Variants in MRTFB observed in about 807,000 individuals in gnomAD.
MRTFB encodes the protein myocardin-related transcription factor B.
A neutral mutation model predicts 104.2 loss-of-function variants in MRTFB; 29 were observed. The observed-to-expected ratio is 0.28, with a 90% confidence interval of 0.21 to 0.38. The LOEUF (loss-of-function observed/expected upper bound fraction) is 0.38. Ranked by LOEUF, MRTFB falls within the 10% of genes least tolerant of loss-of-function variation. The pLI is 1.00. For synonymous variants in MRTFB, 535 were observed against 519.5 expected (o/e 1.03, Z -0.41); for missense variants, 1,270 against 1,341.6 (o/e 0.95, Z 0.83).
chr16:14,000,049 A>G, the MRTFB span, among the ~76,000 whole-genome samples: 1 of 152,080 alleles, frequency 6.6e-6, no homozygotes, highest in African/African-American at 2.4e-5. Flanking sequence ...GAAGCAGAGG[A>G]GGAGAGGGTG....
chr16:14,070,200 G>A (rs2033605537), upstream of MRTFB, among the ~76,000 whole-genome samples: 1 of 152,220 alleles, frequency 6.6e-6, no homozygotes, highest in African/African-American at 2.4e-5. Context: ...CTTGCTTGCA[G>A]AACAGGACCT....
the MRTFB span, among the ~76,000 whole-genome samples, chr16:14,029,405 T>TAAAAAAA: frequency 3.4e-5 from 3 of 87,126 alleles, no homozygotes; most frequent in Admixed American, 1.4e-4. Flanking sequence ...GACTCTGTCT[T>TAAAAAAA]AAAAAAAAAA....
chr16:14,251,826 A>C, intron 13 of MRTFB, 36 bp from the exon 14 acceptor site: 1 of 1,602,906 alleles, frequency 6.2e-7, no homozygotes, highest in Non-Finnish European at 8.5e-7. Flanking sequence ...GAAAAGCCAA[A>C]GAACAAATTA....
chr16:14,060,270 G>T, the MRTFB span, among the ~76,000 whole-genome samples: 2 of 152,010 alleles, frequency 1.3e-5, no homozygotes, highest in South Asian at 4.2e-4. Context: ...GCCTCCCAAA[G>T]TGCTGAAATC....
intron 6 of MRTFB, among the ~76,000 whole-genome samples, chr16:14,214,085 C>T (rs2041313469): frequency 6.6e-6 from 1 of 152,188 alleles, no homozygotes; most frequent in South Asian, 2.1e-4. Flanking sequence ...ACCATTAGCA[C>T]CTCCCATCCA....
chr16:14,138,129 A>C (rs774020353), intron 2 of MRTFB, among the ~76,000 whole-genome samples: 11 of 152,156 alleles, frequency 7.2e-5, no homozygotes, highest in Non-Finnish European at 1.5e-5. Context: ...AAGTAAAGAC[A>C]CTGAAGATAT....
chr16:14,247,531 C>A, intron 12 of MRTFB, 24 bp downstream of exon 12: 1 of 1,525,264 alleles, frequency 6.6e-7, no homozygotes. Flanking sequence ...CTTCTAACTA[C>A]TTTGCCTTAC....
Position 14,213,458 on chromosome 16 carries a change from G to A in MRTFB, c.277-87G>A, listed in dbSNP as rs765106752. On this transcript the variant is annotated intron_variant, in intron 5 of 16. Transcript: ENST00000571589. ...TCAAACACATGACCATAAGCGTATCGTTTATTTAAATGGAATACCTTAAAG... is the reference window on the plus strand; with the variant it reads ...TCAAACACATGACCATAAGCGTATCATTTATTTAAATGGAATACCTTAAAG... The A allele has an allele frequency of 2.8e-4, 258 of 918,730 alleles. 1 individual carries two copies. Among genetic ancestry groups the A allele is most frequent in the Middle Eastern group, 6.2e-4 (2 of 3,252 alleles). The allele number at this position is 918,730 out of a possible 1,614,324, so 56.9% of individuals were successfully genotyped here.
chr16:14,174,790 A>G (rs1385208141), intron 3 of MRTFB, among the ~76,000 whole-genome samples: 1 of 152,176 alleles, frequency 6.6e-6, no homozygotes, highest in African/African-American at 2.4e-5. Context: ...CCTGATCTGT[A>G]ATACACATCA....
intron 3 of MRTFB, among the ~76,000 whole-genome samples, chr16:14,154,001 A>G (rs1359254050): frequency 1.3e-5 from 2 of 152,152 alleles, no homozygotes; most frequent in East Asian, 1.9e-4. Flanking sequence ...TCTTTTTCTC[A>G]TGCTTTTACC....
At chr16:14,071,405 G>T (rs2033679827) in intron 1 of MRTFB, 40 bp downstream of exon 1, 1 of 155,620 alleles carries the variant, frequency 6.4e-6, no homozygotes, top group Non-Finnish European at 1.4e-5. Context: ...GGCTGAGGCC[G>T]GGTGAGAGCG....
At chr16:14,023,499 T>C in the MRTFB span, among the ~76,000 whole-genome samples, 2 of 151,818 alleles carry the variant, frequency 1.3e-5, no homozygotes, top group Non-Finnish European at 2.9e-5. Flanking sequence ...TATGTGACCC[T>C]GGGCAAGTTT....
the MRTFB span, among the ~76,000 whole-genome samples, chr16:14,044,922 C>A: frequency 6.6e-6 from 1 of 152,130 alleles, no homozygotes; most frequent in Non-Finnish European, 1.5e-5. Context: ...AACTGGTAGG[C>A]TCCTGGACAG....
upstream of MRTFB, among the ~76,000 whole-genome samples, chr16:14,067,881 G>C (rs1015206104): frequency 3.9e-5 from 6 of 151,926 alleles, no homozygotes; most frequent in Admixed American, 3.9e-4. Flanking sequence ...ACCCAGGCTG[G>C]AGTGCAGTGG....
intron 2 of MRTFB, among the ~76,000 whole-genome samples, chr16:14,112,609 T>A (rs942002658): frequency 3.3e-5 from 5 of 152,380 alleles, no homozygotes; most frequent in African/African-American, 1.2e-4. Flanking sequence ...GTTCTTCACA[T>A]AGAAGTCTGA....
rs150465885 is a variant in MRTFB, at chr16:14,098,011, G to A, written c.-64+18657G>A. Among the ~76,000 whole-genome samples the A allele has an allele frequency of 2.0e-3, 298 of 152,226 alleles. 1 individual carries two copies. The highest frequency in any genetic ancestry group is 6.9e-3 in the African/African-American group (287 of 41,536). On this transcript the variant is annotated intron_variant, in intron 2 of 16. Transcript: ENST00000571589. Reference sequence around the variant, plus strand: ...TGTTGTTGATGTGTTTACTGTTGATGGCCATTTGGGTATTTCCAGTTTTGG... The same window carrying A: ...TGTTGTTGATGTGTTTACTGTTGATAGCCATTTGGGTATTTCCAGTTTTGG...
chr16:14,017,711 ATTTTT>A, the MRTFB span, among the ~76,000 whole-genome samples: 86 of 33,580 alleles, frequency 2.6e-3, 4 homozygotes, highest in African/African-American at 0.011. Context: ...ATATATATAT[ATTTTT>A]TTTTTTTTTT....
At chr16:14,246,380 G>C in intron 11 of MRTFB, 93 bp from the exon 12 acceptor site, 1 of 1,278,122 alleles carries the variant, frequency 7.8e-7, no homozygotes. Flanking sequence ...AGAGTTGTCT[G>C]ACAGACATAG....
the MRTFB span, chr16:14,018,908 G>C: frequency 6.6e-6 from 1 of 152,114 alleles, no homozygotes; most frequent in South Asian, 2.1e-4. Flanking sequence ...TTATTACCTG[G>C]CCCCTGTGGG....
Sources: allele counts gnomAD v4.1 joint callset (sites outside exome capture counted in the v4.1 genomes callset), GRCh38; gene constraint gnomAD v4.1.1; transcripts MANE v1.5; gene names NCBI Gene and HGNC (gene_info 2026-07-23, HGNC 2026-07-21).